The following ZNF808 variants were observed in gnomAD, a reference collection of about 807,000 sequenced individuals.
ZNF808 encodes zinc finger protein 808.
Under a neutral mutation model 8.7 loss-of-function variants are expected in ZNF808, and 5 were observed. The ratio of observed to expected loss-of-function variants is 0.58; its 90% CI spans 0.30 to 1.21. ZNF808 has a LOEUF of 1.21. Ranked by LOEUF, ZNF808 falls within the 50% of genes most tolerant of loss-of-function variation. ZNF808 has a pLI of 0.07. For missense variants in ZNF808, 1,103 were observed against 1,098.4 expected (o/e 1.00, Z -0.06); for synonymous variants, 380 against 366.0 (o/e 1.04, Z -0.44).
chr19:52,560,868 A>G (rs1173087309), downstream of ZNF808, among the ~76,000 whole-genome samples: 2 of 152,036 alleles, frequency 1.3e-5, no homozygotes. Context: ...CACATGGTAC[A>G]TTGATTTGGA....
At chr19:52,535,158 C>T (rs182897757) in intron 2 of ZNF808, among the ~76,000 whole-genome samples, 43 of 151,310 alleles carry the variant, frequency 2.8e-4, no homozygotes, top group Middle Eastern at 6.8e-3. Context: ...GGTGAAACCC[C>T]ATCTCTACTA....
At position 52,554,641 on chromosome 19, in the gene ZNF808, T is replaced by G. The variant is rs2059815658; in HGVS notation, c.1725T>G (p.Ala575=). The part of the protein sequence containing the change: ...KPYKCNECGK[A]FNQQSHLSRH... ...ACAAGTGTAATGAATGTGGGAAAGC[T>G]TTTAATCAACAATCACATCTTTCAC... Residue 575 remains alanine, a synonymous_variant, in exon 5 of 5, where the codon GCT becomes GCG. Coordinates refer to ENST00000359798, the MANE Select transcript of ZNF808 (RefSeq NM_001039886.4). The G allele has an allele frequency of 1.2e-6, 2 of 1,613,932 alleles. No homozygotes were observed. The highest frequency in any genetic ancestry group is 2.2e-5 in the South Asian group (2 of 91,062).
intron 3 of ZNF808, among the ~76,000 whole-genome samples, chr19:52,545,532 C>T (rs1323624204): frequency 6.6e-6 from 1 of 152,126 alleles, no homozygotes; most frequent in African/African-American, 2.4e-5. Flanking sequence ...GTAATCCCAC[C>T]ACTATGGAAG....
downstream of ZNF808, among the ~76,000 whole-genome samples, chr19:52,560,335 AAAATT>A (rs1463725727): frequency 6.6e-6 from 1 of 152,056 alleles, no homozygotes; most frequent in Admixed American, 6.6e-5. Flanking sequence ...CAAAAAAAAA[AAAATT>A]AAAAAACGTC....
At position 52,555,477 on chromosome 19, in the gene ZNF808, A is replaced by G. The variant is rs1461573721; in HGVS notation, c.2561A>G (p.Lys854Arg). Reference protein sequence around the residue: ...EKPYKCEACDKVFSRKSHLKR... With the variant: ...EKPYKCEACDRVFSRKSHLKR... ...CCTTACAAATGTGAAGCATGTGACA[A>G]AGTTTTCAGTCGCAAATCACACCTT... is the stretch of plus-strand genomic sequence containing the variant. Residue 854 changes from lysine (K) to arginine (R), a missense_variant, in exon 5 of 5, where the codon AAA becomes AGA. Coordinates refer to ENST00000359798, the MANE Select transcript of ZNF808 (RefSeq NM_001039886.4). The G allele has an allele frequency of 6.2e-7, 1 of 1,614,134 alleles. No individual in the cohort carries two copies.
At chr19:52,535,355 AG>A (rs1346775130) in intron 2 of ZNF808, among the ~76,000 whole-genome samples, 14 of 145,380 alleles carry the variant, frequency 9.6e-5, no homozygotes, top group African/African-American at 3.3e-4. Flanking sequence ...AAAAAAAAAA[AG>A]AGAGAAAAGG....
At chr19:52,563,764 G>C (rs1313862034) in exon 4 of ZNF808, 1 of 165,024 alleles carries the variant, frequency 6.1e-6, no homozygotes, top group East Asian at 1.9e-4. Context: ...GAAGAGAACA[G>C]CAAACAGGAG....
intron 2 of ZNF808, among the ~76,000 whole-genome samples, chr19:52,534,402 C>T (rs547951788): frequency 1.3e-5 from 2 of 152,164 alleles, no homozygotes; most frequent in Admixed American, 1.3e-4. Flanking sequence ...GTATAGAACA[C>T]TGAAGTTTCT....
downstream of ZNF808, among the ~76,000 whole-genome samples, chr19:52,565,832 G>T (rs539537089): frequency 6.6e-6 from 1 of 152,234 alleles, no homozygotes; most frequent in South Asian, 2.1e-4. Flanking sequence ...TATATGTATT[G>T]ATTGATGTCT....
chr19:52,558,440 C>T (rs1451163984), downstream of ZNF808, among the ~76,000 whole-genome samples: 2 of 150,800 alleles, frequency 1.3e-5, no homozygotes, highest in South Asian at 2.1e-4. Flanking sequence ...GGTGTGATCT[C>T]GGCTCACTGC....
rs1207599611 is a variant in ZNF808, at chr19:52,555,429, A to G, written c.2513A>G (p.His838Arg). 4 of 1,614,040 alleles carry G rather than the reference A, an allele frequency of 2.5e-6. No individual in the cohort carries two copies. Among genetic ancestry groups the G allele is most frequent in the South Asian group, 1.1e-5 (1 of 91,080 alleles). Residue 838 changes from histidine to arginine, a missense_variant, in exon 5 of 5, where the codon CAT (histidine) becomes CGT (arginine). Physicochemically the swap from His to Arg is conservative, Grantham distance 29. Transcript: ENST00000359798. ...GAACAATCACACCTTTCACGTCATCATAGAATTCATACTGGAGAGAAACCT... is the reference window on the plus strand; with the variant it reads ...GAACAATCACACCTTTCACGTCATCGTAGAATTCATACTGGAGAGAAACCT... ...FNEQSHLSRH[H>R]RIHTGEKPYK...
chr19:52,528,948 G>A (rs188711468), intron 1 of ZNF808, among the ~76,000 whole-genome samples: 2 of 151,056 alleles, frequency 1.3e-5, no homozygotes, highest in East Asian at 3.9e-4. Context: ...GGAAGAAGGG[G>A]GATAAACAGC....
chr19:52,547,257 C>T (rs1424761637), intron 3 of ZNF808, among the ~76,000 whole-genome samples: 1 of 151,926 alleles, frequency 6.6e-6, no homozygotes, highest in African/African-American at 2.4e-5. Flanking sequence ...CCTGTGTTTC[C>T]TTTTTATTTA....
chr19:52,565,922 G>A (rs1246462021), downstream of ZNF808, among the ~76,000 whole-genome samples: 1 of 152,150 alleles, frequency 6.6e-6, no homozygotes, highest in Admixed American at 6.6e-5. Context: ...TGTGTCATGG[G>A]TGCATTTTAA....
In ZNF808 at chr19:52,528,346, A is replaced by T. The variant is rs143608309; in HGVS notation, c.-122+635A>T. ...CGCTCCTCCGGGATGCAGGCGTCTT[A>T]CTCCAAACCCTCCTGCGATTGTGTG... On this transcript the variant is annotated intron_variant, in intron 1 of 4. Coordinates refer to ENST00000359798, the MANE Select transcript of ZNF808 (RefSeq NM_001039886.4). 6.2e-3 allele frequency among the ~76,000 whole-genome samples: 945 copies of T among 152,250 alleles called. 14 individuals are homozygous for T. Among genetic ancestry groups the T allele is most frequent in the African/African-American group, 0.022 (908 of 41,528 alleles).
intron 2 of ZNF808, among the ~76,000 whole-genome samples, chr19:52,542,499 G>A (rs1055079070): frequency 6.6e-6 from 1 of 151,672 alleles, no homozygotes; most frequent in Non-Finnish European, 1.5e-5. Context: ...CTAGGTCCTT[G>A]TTCTGATATC....
chr19:52,560,393 G>T (rs2059852633), downstream of ZNF808, among the ~76,000 whole-genome samples: 1 of 151,974 alleles, frequency 6.6e-6, no homozygotes. Context: ...GAGCCACTGT[G>T]CTTGGCCTGC....
At chr19:52,561,105 A>C (rs2059854719), downstream of ZNF808, among the ~76,000 whole-genome samples, 1 of 148,940 alleles carries the variant, frequency 6.7e-6, no homozygotes. Flanking sequence ...AGCGCAGCTC[A>C]GCGCTTGTGT....
At position 52,539,560 on chromosome 19, in the gene ZNF808, T is replaced by G. The variant is rs567812568; in HGVS notation, c.-19-3706T>G. ...TTTTGTTGTGGTGGTTTTTTTTTTT[T>G]TTTTTTTTTTTTTGACGGAGTTTTG... On this transcript the variant is annotated intron_variant, in intron 2 of 4. Transcript: ENST00000359798. Among the ~76,000 whole-genome samples the G allele has an allele frequency of 2.2e-3, 307 of 141,642 alleles. 1 individual carries two copies. The highest frequency in any genetic ancestry group is 3.6e-3 in the Non-Finnish European group (235 of 65,224). 92.9% of individuals were successfully genotyped at this position (141,642 alleles called of 152,430 possible).
Sources: allele counts gnomAD v4.1 joint callset (sites outside exome capture counted in the v4.1 genomes callset), GRCh38; gene constraint gnomAD v4.1.1; transcripts MANE v1.5; gene names NCBI Gene and HGNC (gene_info 2026-07-23, HGNC 2026-07-21).